Variants in SPIN1 observed in about 807,000 individuals in gnomAD.
SPIN1 encodes spindlin 1.
Under a neutral mutation model 26.0 loss-of-function variants are expected in SPIN1, and 3 were observed. The observed-to-expected ratio is 0.12, with a 90% CI of 0.05 to 0.30. The LOEUF is 0.30. Among genes scored for constraint, SPIN1 ranks in the 10% least tolerant of loss-of-function variants. SPIN1 has a pLI of 1.00. For synonymous variants in SPIN1, 101 were observed against 116.5 expected (o/e 0.87, Z 0.86); for missense variants, 126 against 333.4 (o/e 0.38, Z 4.84).
At chr9:88,421,475 A>G (rs1035381167) in intron 1 of SPIN1, among the ~76,000 whole-genome samples, 1 of 152,006 alleles carries the variant, frequency 6.6e-6, no homozygotes, top group African/African-American at 2.4e-5. Flanking sequence ...ACCCACAGCT[A>G]TCCTTACTGT....
chr9:88,437,323 C>T (rs1331144045), intron 2 of SPIN1, among the ~76,000 whole-genome samples: 1 of 151,784 alleles, frequency 6.6e-6, no homozygotes, highest in Non-Finnish European at 1.5e-5. Flanking sequence ...CATGGCAAAA[C>T]CCTATCTCTA....
intron 1 of SPIN1, among the ~76,000 whole-genome samples, chr9:88,410,190 C>CA (rs1564025110): frequency 9.6e-6 from 1 of 103,672 alleles, no homozygotes; most frequent in Non-Finnish European, 1.8e-5. Flanking sequence ...TGTGTGTGTG[C>CA]AACTTTTTTT....
At chr9:88,445,803 A>C (rs1288070696) in intron 2 of SPIN1, among the ~76,000 whole-genome samples, 1 of 151,970 alleles carries the variant, frequency 6.6e-6, no homozygotes, top group Admixed American at 6.6e-5. Context: ...CCTCTCCCAA[A>C]GTGCTGGGAT....
chr9:88,388,791 A>G (rs1015166124), intron 1 of SPIN1, among the ~76,000 whole-genome samples: 1 of 148,686 alleles, frequency 6.7e-6, no homozygotes, highest in Non-Finnish European at 1.5e-5. Context: ...CCGTGCCCCC[A>G]TCCCCGCCGC....
chr9:88,426,512 G>A lies in SPIN1; in HGVS notation c.-28G>A. The stretch of plus-strand genomic sequence containing the variant: ...ATTGAATTTTCACCCTAGTCCAGCA[G>A]CTCCGCTGCTCACTTAAATACAGAT... On this transcript the variant is annotated 5_prime_UTR_variant, in exon 2 of 6. Coordinates refer to ENST00000375859, the MANE Select transcript of SPIN1 (RefSeq NM_006717.3). 1 of 1,605,676 alleles carries A rather than the reference G, an allele frequency of 6.2e-7. No homozygotes were observed. The highest frequency in any genetic ancestry group is 8.5e-7 in the Non-Finnish European group (1 of 1,174,270).
chr9:88,389,589 T>G (rs555957189), intron 1 of SPIN1, among the ~76,000 whole-genome samples: 1 of 152,370 alleles, frequency 6.6e-6, no homozygotes, highest in South Asian at 2.1e-4. Context: ...ATGGATTGTT[T>G]GGCAATTTTA....
At chr9:88,405,588 G>C (rs1459379058) in intron 1 of SPIN1, among the ~76,000 whole-genome samples, 1 of 137,628 alleles carries the variant, frequency 7.3e-6, no homozygotes, top group East Asian at 2.1e-4. Context: ...TCGTTACCCA[G>C]GCTGGAGTGC....
At chr9:88,396,963 G>T (rs1827076377) in intron 1 of SPIN1, among the ~76,000 whole-genome samples, 1 of 152,034 alleles carries the variant, frequency 6.6e-6, no homozygotes, top group Admixed American at 6.6e-5. Context: ...GTATAAAAGA[G>T]AAATGGCATG....
intron 2 of SPIN1, among the ~76,000 whole-genome samples, chr9:88,427,710 C>T (rs1827790241): frequency 6.6e-6 from 1 of 151,990 alleles, no homozygotes; most frequent in African/African-American, 2.4e-5. Flanking sequence ...GGTTCTCCTG[C>T]CTTGGTCTCC....
chr9:88,409,018 G>C (rs1266401698), intron 1 of SPIN1, among the ~76,000 whole-genome samples: 2 of 109,222 alleles, frequency 1.8e-5, no homozygotes, highest in Non-Finnish European at 3.4e-5. Flanking sequence ...TGTTTGAGAT[G>C]AATTTTTGCT....
chr9:88,393,418 A>G (rs1308390862), intron 1 of SPIN1, among the ~76,000 whole-genome samples: 2 of 150,466 alleles, frequency 1.3e-5, no homozygotes, highest in Non-Finnish European at 3.0e-5. Context: ...TAAGGAGAGA[A>G]AAGAATGTCC....
chr9:88,407,463 C>T (rs78335638), intron 1 of SPIN1, among the ~76,000 whole-genome samples: 4 of 151,270 alleles, frequency 2.6e-5, no homozygotes, highest in East Asian at 2.0e-4. Context: ...AAGGATACTT[C>T]TGATGTGTAC....
chr9:88,434,283 T>C (rs1289961498), intron 2 of SPIN1, among the ~76,000 whole-genome samples: 4 of 151,846 alleles, frequency 2.6e-5, no homozygotes, highest in Admixed American at 6.6e-5. Flanking sequence ...TTAACTGTTT[T>C]AGAGTCAAAT....
intron 3 of SPIN1, among the ~76,000 whole-genome samples, chr9:88,451,987 A>G (rs1465045012): frequency 2.0e-5 from 3 of 152,228 alleles, no homozygotes; most frequent in Non-Finnish European, 2.9e-5. Flanking sequence ...AACAGGGAAT[A>G]GATTTCCATT....
intron 2 of SPIN1, among the ~76,000 whole-genome samples, chr9:88,438,688 A>G (rs1331955720): frequency 6.6e-6 from 1 of 152,258 alleles, no homozygotes; most frequent in Non-Finnish European, 1.5e-5. Flanking sequence ...GTTGAAATCC[A>G]TAACCATAAT....
At chr9:88,423,304 CT>C (rs1293829234) in intron 1 of SPIN1, among the ~76,000 whole-genome samples, 1 of 152,058 alleles carries the variant, frequency 6.6e-6, no homozygotes, top group East Asian at 1.9e-4. Context: ...TTTAATCTGG[CT>C]GGGTGCAGTG....
chr9:88,421,209 T>C (rs1827660654), intron 1 of SPIN1, among the ~76,000 whole-genome samples: 1 of 152,184 alleles, frequency 6.6e-6, no homozygotes, highest in African/African-American at 2.4e-5. Flanking sequence ...CACAATGTCT[T>C]TGTTGTGCTT....
chr9:88,388,989 C>G (rs945846957), intron 1 of SPIN1, among the ~76,000 whole-genome samples: 1 of 133,390 alleles, frequency 7.5e-6, no homozygotes, highest in Non-Finnish European at 1.6e-5. Context: ...TGCATAATCC[C>G]GGGCCGGCGA....
At chr9:88,469,759 T>G (rs564131735) in intron 5 of SPIN1, among the ~76,000 whole-genome samples, 6 of 152,288 alleles carry the variant, frequency 3.9e-5, no homozygotes, top group African/African-American at 9.6e-5. Flanking sequence ...TCTCAAACAC[T>G]TGAGCTCAGG....
Sources: gnomAD v4.1 joint callset for allele counts (sites outside exome capture counted in the v4.1 genomes callset) on GRCh38, gnomAD v4.1.1 for gene constraint, MANE v1.5 for transcripts, NCBI Gene and HGNC (gene_info 2026-07-23, HGNC 2026-07-21) for gene names.